ZNF697: variants seen among roughly 807,000 people sequenced by gnomAD.
ZNF697 encodes the protein zinc finger protein 697.
In ZNF697, 23 loss-of-function variants were observed where a neutral mutation model predicts 32.4. The ratio of observed to expected loss-of-function variants is 0.71; its 90% CI spans 0.51 to 1.01. The LOEUF (loss-of-function observed/expected upper bound fraction) is 1.01. Ranked by LOEUF, ZNF697 falls within the 50% of genes least tolerant of loss-of-function variation. ZNF697 has a pLI of 0.00. For missense variants in ZNF697, 930 were observed against 794.0 expected (o/e 1.17, Z -2.06); for synonymous variants, 418 against 337.2 (o/e 1.24, Z -2.62).
At chr1:119,626,414 G>C (rs781663871) in intron 1 of ZNF697, among the ~76,000 whole-genome samples, 2 of 152,150 alleles carry the variant, frequency 1.3e-5, no homozygotes, top group Non-Finnish European at 2.9e-5. Flanking sequence ...TATTAGTGTG[G>C]TTTTATAGTT....
intron 1 of ZNF697, among the ~76,000 whole-genome samples, chr1:119,631,680 C>G (rs1408027197): frequency 6.6e-6 from 1 of 152,098 alleles, no homozygotes; most frequent in Non-Finnish European, 1.5e-5. Context: ...TGCCAGGTGG[C>G]GGGGAGCCAG....
In ZNF697 at chr1:119,623,743, AGGACTGAAGCTCTCCCCGCAGTCG is replaced by A; in HGVS notation, c.576_599del (p.Asp193_Pro200del). ...GCTGGTGCTGCAGGAAGGCGGCGCCAGGACTGAAGCTCTCCCCGCAGTCGGGGCAGATGGTGGGCGCGTCCATGA... is the reference window on the plus strand; with the variant it reads ...GCTGGTGCTGCAGGAAGGCGGCGCCAGGGCAGATGGTGGGCGCGTCCATGA... On this transcript the variant is annotated inframe_deletion, in exon 3 of 3. Coordinates refer to ENST00000421812, the MANE Select transcript of ZNF697 (RefSeq NM_001080470.2). 6.5e-7 allele frequency: 1 copy of A among 1,538,300 alleles called. No individual in the cohort carries two copies. The highest frequency in any genetic ancestry group is 8.7e-7 in the Non-Finnish European group (1 of 1,145,540).
At position 119,622,762 on chromosome 1, in the gene ZNF697, G is replaced by A; in HGVS notation, c.1581C>T (p.Gly527=). Reference sequence around the variant, plus strand: ...GGTGCGTTTTATAGCGGAAGCCTTTGCCGCAGCCCGCACACTTGTGCGGCT... The same window carrying A: ...GGTGCGTTTTATAGCGGAAGCCTTTACCGCAGCCCGCACACTTGTGCGGCT... ...GNKPHKCAGC[G]KGFRYKTHLA... Residue 527 remains glycine, a synonymous_variant, in exon 3 of 3, where the codon GGC becomes GGT. Coordinates refer to ENST00000421812, the MANE Select transcript of ZNF697 (RefSeq NM_001080470.2). 1 of 1,582,326 alleles carries A rather than the reference G, an allele frequency of 6.3e-7. No individual in the cohort carries two copies. The highest frequency in any genetic ancestry group is 1.1e-5 in the South Asian group (1 of 87,176).
At chr1:119,645,042 G>A (rs1649167319) in intron 1 of ZNF697, among the ~76,000 whole-genome samples, 1 of 152,178 alleles carries the variant, frequency 6.6e-6, no homozygotes, top group Non-Finnish European at 1.5e-5. Flanking sequence ...TTATTTGCTT[G>A]GGATTAATCC....
intron 1 of ZNF697, among the ~76,000 whole-genome samples, chr1:119,643,421 C>T (rs587668683): frequency 2.1e-4 from 32 of 152,234 alleles, no homozygotes; most frequent in African/African-American, 7.0e-4. Context: ...GTTCTCTGCA[C>T]CCTTGAGGTC....
intron 1 of ZNF697, among the ~76,000 whole-genome samples, chr1:119,626,394 T>C (rs587665916): frequency 2.6e-5 from 4 of 152,308 alleles, no homozygotes; most frequent in African/African-American, 9.6e-5. Flanking sequence ...CTGGCTATGA[T>C]ATGGATGTCT....
chr1:119,640,506 T>C (rs1181824083), intron 1 of ZNF697, among the ~76,000 whole-genome samples: 2 of 152,244 alleles, frequency 1.3e-5, no homozygotes, highest in African/African-American at 4.8e-5. Context: ...AAAAGAATTC[T>C]ACATCTCTTG....
intron 1 of ZNF697, among the ~76,000 whole-genome samples, chr1:119,637,981 G>A (rs1007979595): frequency 3.3e-5 from 5 of 151,764 alleles, no homozygotes; most frequent in South Asian, 2.1e-4. Flanking sequence ...GAGAGAGAGA[G>A]AAAAGAGAGA....
chr1:119,633,395 TAGAGAGAG>T (rs1212878397), intron 1 of ZNF697, among the ~76,000 whole-genome samples: 1 of 143,634 alleles, frequency 7.0e-6, no homozygotes, highest in Non-Finnish European at 1.5e-5. Flanking sequence ...TGTGTGTGTA[TAGAGAGAG>T]AGAGAGAGAG....
In ZNF697 at chr1:119,621,107, A is replaced by G. The variant is rs1308073591; in HGVS notation, c.*1598T>C. 1.3e-5 allele frequency: 2 copies of G among 152,212 alleles called. No homozygotes were observed. The highest frequency in any genetic ancestry group is 2.9e-5 in the Non-Finnish European group (2 of 68,004). 9.4% of individuals were successfully genotyped at this position (152,212 alleles called of 1,614,324 possible). ...GGAACATAGCTAGGATACCCTAATT[A>G]GGCGACAAAGACCAGCTTTGTCAAT... On this transcript the variant is annotated 3_prime_UTR_variant, in exon 3 of 3. Transcript: ENST00000421812.
chr1:119,628,488 A>AC (rs1648665531), intron 1 of ZNF697, among the ~76,000 whole-genome samples: 1 of 152,188 alleles, frequency 6.6e-6, no homozygotes, highest in Non-Finnish European at 1.5e-5. Flanking sequence ...CTGACGTATG[A>AC]AAAGTTCACA....
At chr1:119,632,254 G>A (rs916532214) in intron 1 of ZNF697, among the ~76,000 whole-genome samples, 1 of 152,218 alleles carries the variant, frequency 6.6e-6, no homozygotes, top group African/African-American at 2.4e-5. Context: ...ACCAAACGTG[G>A]CAGGCGAACT....
rs767552994 is a variant in ZNF697, at chr1:119,625,943, G to A, written c.158C>T (p.Pro53Leu). 1.1e-5 allele frequency: 17 copies of A among 1,613,900 alleles called. No homozygotes were observed. The highest frequency in any genetic ancestry group is 1.6e-4 in the Middle Eastern group (1 of 6,082). ...TGGGTTGGAGCCCATCTCCGGCTCC[G>A]GATGGCCTTCTCTCTTGTTTGTGTC... ...PHDTNKREGH[P>L]EPEMGSNPQD... Residue 53 changes from proline (P) to leucine (L), a missense_variant, in exon 2 of 3, where the codon CCG becomes CTG. Physicochemically the swap from Pro to Leu is moderately conservative, Grantham distance 98. Transcript: ENST00000421812.
intron 1 of ZNF697, among the ~76,000 whole-genome samples, chr1:119,628,469 C>T (rs1219647108): frequency 6.6e-6 from 1 of 152,126 alleles, no homozygotes; most frequent in African/African-American, 2.4e-5. Flanking sequence ...GTGAGTTCCC[C>T]ACTTAGGGCT....
intron 1 of ZNF697, among the ~76,000 whole-genome samples, chr1:119,642,105 T>C (rs116027384): frequency 0.012 from 1,794 of 152,256 alleles, 43 homozygotes; most frequent in African/African-American, 0.041. Flanking sequence ...TACTAAATGA[T>C]AGAAGCCAAT....
chr1:119,628,583 G>A (rs1648668732), intron 1 of ZNF697, among the ~76,000 whole-genome samples: 1 of 152,200 alleles, frequency 6.6e-6, no homozygotes, highest in Non-Finnish European at 1.5e-5. Flanking sequence ...GGGGAGGGAG[G>A]ATTAGGTGTG....
In ZNF697 at chr1:119,622,512, G is replaced by A. The variant is rs3795662; in HGVS notation, c.*193C>T. 1 of 1,038,076 alleles carries A rather than the reference G, an allele frequency of 9.6e-7. No individual in the cohort carries two copies. Among genetic ancestry groups the A allele is most frequent in the Non-Finnish European group, 1.3e-6 (1 of 755,102 alleles). The allele number at this position is 1,038,076 out of a possible 1,614,324, so 64.3% of individuals were successfully genotyped here. On this transcript the variant is annotated 3_prime_UTR_variant, in exon 3 of 3. Transcript: ENST00000421812. ...CTGAACAATTCTTCCGTGGAGAGGA[G>A]GCAAGTATAGCACCGGGAAAGACCA...
intron 1 of ZNF697, among the ~76,000 whole-genome samples, chr1:119,647,100 G>A (rs979577287): frequency 6.6e-6 from 1 of 151,992 alleles, no homozygotes; most frequent in African/African-American, 2.4e-5. Context: ...GGGCGGTTGG[G>A]GGAGGCGGTT....
At chr1:119,637,925 C>CTG (rs1364456683) in intron 1 of ZNF697, among the ~76,000 whole-genome samples, 2 of 150,186 alleles carry the variant, frequency 1.3e-5, no homozygotes, top group Non-Finnish European at 3.0e-5. Flanking sequence ...AAGTCATCGT[C>CTG]TGTGTGTGTG....
Sources: allele counts gnomAD v4.1 joint callset (sites outside exome capture counted in the v4.1 genomes callset), GRCh38; gene constraint gnomAD v4.1.1; transcripts MANE v1.5; gene names NCBI Gene and HGNC (gene_info 2026-07-23, HGNC 2026-07-21).